STXBP5: variants seen among roughly 807,000 people sequenced by gnomAD.
The protein encoded by STXBP5 is syntaxin-binding protein 5.
STXBP5 carries 50 observed loss-of-function variants against 152.4 expected under a neutral mutation model. The observed-to-expected ratio is 0.33, with a 90% CI of 0.26 to 0.42. The LOEUF (loss-of-function observed/expected upper bound fraction) is 0.42, where lower values mean the gene tolerates loss of function less well. Among genes scored for constraint, STXBP5 ranks in the 10% least tolerant of loss-of-function variants. STXBP5 has a pLI of 1.00. For synonymous variants in STXBP5, 492 were observed against 494.7 expected (o/e 0.99, Z 0.07); for missense variants, 1,167 against 1,388.6 (o/e 0.84, Z 2.54).
intron 4 of STXBP5, 90 bp downstream of exon 4, chr6:147,239,360 C>A: frequency 1.9e-6 from 2 of 1,065,954 alleles, no homozygotes; most frequent in Non-Finnish European, 2.7e-6. Context: ...TGTGATGGAC[C>A]TTATGCACAA....
intron 25 of STXBP5, among the ~76,000 whole-genome samples, chr6:147,368,377 A>G (rs187276323): frequency 1.6e-4 from 24 of 152,334 alleles, no homozygotes; most frequent in Admixed American, 7.2e-4. Context: ...AAATCAGTCA[A>G]TGTGATCCAT....
intron 4 of STXBP5, among the ~76,000 whole-genome samples, chr6:147,257,853 T>C (rs546687382): frequency 3.2e-4 from 49 of 152,322 alleles, no homozygotes; most frequent in East Asian, 9.6e-4. Context: ...TGTTGGCTCA[T>C]AGTTCTGTTG....
chr6:147,287,065 T>A (rs1781001480), intron 8 of STXBP5, among the ~76,000 whole-genome samples: 1 of 151,202 alleles, frequency 6.6e-6, no homozygotes. Context: ...ATGAGGTACA[T>A]GAGATATTTT....
chr6:147,250,708 A>G (rs1329680425), intron 4 of STXBP5, among the ~76,000 whole-genome samples: 1 of 152,134 alleles, frequency 6.6e-6, no homozygotes, highest in Admixed American at 6.5e-5. Flanking sequence ...AAAGAAATTA[A>G]TAGAAAAATT....
chr6:147,238,564 T>A (rs1778389315), intron 3 of STXBP5, among the ~76,000 whole-genome samples: 2 of 152,222 alleles, frequency 1.3e-5, no homozygotes, highest in Non-Finnish European at 2.9e-5. Flanking sequence ...AACGAGCCAC[T>A]TAAATGATTC....
intron 19 of STXBP5, among the ~76,000 whole-genome samples, chr6:147,335,672 C>T (rs1783787067): frequency 6.6e-6 from 1 of 151,978 alleles, no homozygotes; most frequent in South Asian, 2.1e-4. Flanking sequence ...AGGTAGCAGG[C>T]GCCTGTAGTC....
At chr6:147,252,223 A>G (rs1779132817) in intron 4 of STXBP5, among the ~76,000 whole-genome samples, 1 of 152,132 alleles carries the variant, frequency 6.6e-6, no homozygotes, top group Non-Finnish European at 1.5e-5. Flanking sequence ...TGGACAGAGA[A>G]TGAGTTTGAC....
At chr6:147,356,016 A>T (rs1649188725) in intron 22 of STXBP5, among the ~76,000 whole-genome samples, 1 of 152,238 alleles carries the variant, frequency 6.6e-6, no homozygotes, top group Middle Eastern at 3.4e-3. Flanking sequence ...TATTTCTATC[A>T]GTTTCAAACT....
At chr6:147,324,854 T>C (rs1181545942) in intron 16 of STXBP5, 105 bp from the exon 17 acceptor site, 1 of 1,052,422 alleles carries the variant, frequency 9.5e-7, no homozygotes, top group Non-Finnish European at 1.2e-6. Flanking sequence ...TTCTGATTTT[T>C]ATATATTTAA....
chr6:147,276,319 T>TG (rs1285579634), intron 7 of STXBP5, among the ~76,000 whole-genome samples: 1 of 152,146 alleles, frequency 6.6e-6, no homozygotes, highest in Non-Finnish European at 1.5e-5. Flanking sequence ...TGCTTTTTTG[T>TG]GGGGTGTTTT....
At chr6:147,376,640 G>A (rs1785824098) in intron 26 of STXBP5, among the ~76,000 whole-genome samples, 1 of 151,914 alleles carries the variant, frequency 6.6e-6, no homozygotes, top group African/African-American at 2.4e-5. Flanking sequence ...AATATAACAA[G>A]ACCCTGTCTC....
At chr6:147,317,705 A>G (rs903618926) in intron 16 of STXBP5, among the ~76,000 whole-genome samples, 13 of 152,170 alleles carry the variant, frequency 8.5e-5, no homozygotes, top group Non-Finnish European at 1.5e-4. Flanking sequence ...TCCCTCTCTC[A>G]TACCTGTACT....
At chr6:147,311,593 A>G in intron 11 of STXBP5, 66 bp downstream of exon 11, 1 of 1,206,346 alleles carries the variant, frequency 8.3e-7, no homozygotes, top group Non-Finnish European at 1.2e-6. Flanking sequence ...CTTTTATCAT[A>G]GCATTAGCTA....
chr6:147,225,294 T>G (rs1705340800), intron 2 of STXBP5, among the ~76,000 whole-genome samples: 1 of 152,172 alleles, frequency 6.6e-6, no homozygotes, highest in Non-Finnish European at 1.5e-5. Flanking sequence ...CATTTCTAAA[T>G]GTAGTTCATA....
intron 8 of STXBP5, among the ~76,000 whole-genome samples, chr6:147,289,644 C>G (rs532559199): frequency 6.6e-6 from 1 of 151,620 alleles, no homozygotes; most frequent in African/African-American, 2.4e-5. Flanking sequence ...GAACAGCAAG[C>G]TATTTTTTAA....
Position 147,316,225 on chromosome 6 carries a change from A to G in STXBP5, c.1624-4A>G. 6.2e-7 allele frequency: 1 copy of G among 1,613,654 alleles called. No homozygotes were observed. The highest frequency in any genetic ancestry group is 8.5e-7 in the Non-Finnish European group (1 of 1,179,790). On this transcript the variant is annotated splice_polypyrimidine_tract_variant and splice_region_variant and intron_variant, in intron 15 of 27. Coordinates refer to ENST00000321680, the MANE Select transcript of STXBP5 (RefSeq NM_001127715.4). ...GTAAGTAAACTACCTTACTTTTACA[A>G]CAGATGCTTGAAGTTCGATTATTAT...
Position 147,280,493 on chromosome 6 carries a change from T to C in STXBP5, c.838+2289T>C, listed in dbSNP as rs150806473. On this transcript the variant is annotated intron_variant, in intron 8 of 27. Coordinates refer to ENST00000321680, the MANE Select transcript of STXBP5 (RefSeq NM_001127715.4). The stretch of plus-strand genomic sequence containing the variant: ...TTTTGAAATTGAGAAATAAATTTTG[T>C]ATTTATAATTGTTAAGTATTTTGAT... Among the ~76,000 whole-genome samples the C allele has an allele frequency of 9.8e-3, 1,495 of 152,320 alleles. 21 individuals are homozygous for C. The highest frequency in any genetic ancestry group is 0.034 in the African/African-American group (1,425 of 41,570).
intron 24 of STXBP5, 116 bp from the exon 25 acceptor site, chr6:147,363,885 C>G: frequency 7.3e-7 from 1 of 1,368,892 alleles, no homozygotes. Context: ...ATCTCCCACT[C>G]AAGTATACAA....
At chr6:147,340,363 A>G (rs1289230989) in intron 21 of STXBP5, among the ~76,000 whole-genome samples, 3 of 152,090 alleles carry the variant, frequency 2.0e-5, no homozygotes, top group East Asian at 3.9e-4. Flanking sequence ...GCCCCTTGTC[A>G]TTTTTTAAAT....
Sources: allele counts gnomAD v4.1 joint callset (sites outside exome capture counted in the v4.1 genomes callset), GRCh38; gene constraint gnomAD v4.1.1; transcripts MANE v1.5; gene names NCBI Gene and HGNC (gene_info 2026-07-23, HGNC 2026-07-21).